Variants in BBS9 observed in about 807,000 individuals in gnomAD.
BBS9 encodes the protein Bardet-Biedl syndrome 9.
Under a neutral mutation model 117.7 loss-of-function variants are expected in BBS9, and 89 were observed. That is an observed-to-expected ratio of 0.76 (90% CI 0.64 to 0.90). The LOEUF (loss-of-function observed/expected upper bound fraction) is 0.90, where lower values mean the gene tolerates loss of function less well. BBS9 is among the 40% of genes least tolerant of loss of function. The pLI, the probability that BBS9 is intolerant of heterozygous loss-of-function variation, is 0.00. For missense variants in BBS9, 982 were observed against 1,042.2 expected (o/e 0.94, Z 0.80); for synonymous variants, 379 against 370.9 (o/e 1.02, Z -0.25).
At chr7:33,627,933 AC>A in intron 21 of BBS9, among the ~76,000 whole-genome samples, 1 of 152,150 alleles carries the variant, frequency 6.6e-6, no homozygotes, top group Non-Finnish European at 1.5e-5. Flanking sequence ...GATCCCAGCT[AC>A]TTGGCAAACT....
Position 33,388,066 on chromosome 7 carries a change from G to C in BBS9, c.2037G>C (p.Arg679=), listed in dbSNP as rs774728969. ...TACAATTTCGGGCCATTCAACGCCGGCTACTAGCAAGATTCAAAGATAAAA... is the reference window on the plus strand; with the variant it reads ...TACAATTTCGGGCCATTCAACGCCGCCTACTAGCAAGATTCAAAGATAAAA... The part of the protein sequence containing the change: ...RAVQFRAIQR[R]LLARFKDKTP... The change falls in exon 19 of 23, where the codon CGG becomes CGC. Residue 679 remains arginine (R), a synonymous_variant. Coordinates refer to ENST00000242067, the MANE Select transcript of BBS9 (RefSeq NM_198428.3). The C allele has an allele frequency of 6.2e-7, 1 of 1,614,098 alleles. No homozygotes were observed. The highest frequency in any genetic ancestry group is 1.7e-5 in the Admixed American group (1 of 60,018).
chr7:33,517,192 T>C (rs553106284), intron 20 of BBS9, among the ~76,000 whole-genome samples: 2 of 152,242 alleles, frequency 1.3e-5, no homozygotes, highest in African/African-American at 2.4e-5. Context: ...TATAAGAAAA[T>C]TAACTTTTAT....
At chr7:33,369,027 A>C (rs1822354346) in intron 17 of BBS9, among the ~76,000 whole-genome samples, 1 of 152,152 alleles carries the variant, frequency 6.6e-6, no homozygotes, top group Non-Finnish European at 1.5e-5. Context: ...TTTTTAAAAA[A>C]CAAATCATTT....
At chr7:33,193,492 A>G (rs1784483133) in intron 5 of BBS9, among the ~76,000 whole-genome samples, 2 of 147,862 alleles carry the variant, frequency 1.4e-5, no homozygotes, top group South Asian at 4.2e-4. Context: ...TGCTTGAGCA[A>G]TCAAGCTTAG....
intron 18 of BBS9, among the ~76,000 whole-genome samples, chr7:33,386,018 T>C (rs1825940986): frequency 6.6e-6 from 1 of 152,028 alleles, no homozygotes; most frequent in Non-Finnish European, 1.5e-5. Flanking sequence ...CATTAGGAGA[T>C]ATACCTAACG....
intron 21 of BBS9, among the ~76,000 whole-genome samples, chr7:33,603,383 G>A (rs1193516287): frequency 6.6e-6 from 1 of 152,084 alleles, no homozygotes. Flanking sequence ...TCAGTTGGAT[G>A]AGTGTAAAGA....
In BBS9 at chr7:33,480,575, G is replaced by A. The variant is rs148904164; in HGVS notation, c.2116-24888G>A. ...TGGGTGCCCCATAGGTTTCTGTCAT[G>A]TATCTTGACCTAATGTTAATCTTAT... On this transcript the variant is annotated intron_variant, in intron 19 of 22. Coordinates refer to ENST00000242067, the MANE Select transcript of BBS9 (RefSeq NM_198428.3). Among the ~76,000 whole-genome samples, 369 of 152,296 alleles carry A rather than the reference G, an allele frequency of 2.4e-3. 2 individuals are homozygous for A. Among genetic ancestry groups the A allele is most frequent in the Admixed American group, 6.2e-3 (95 of 15,300 alleles).
At chr7:33,168,279 G>C (rs1425709507) in intron 4 of BBS9, among the ~76,000 whole-genome samples, 1 of 152,032 alleles carries the variant, frequency 6.6e-6, no homozygotes, top group Non-Finnish European at 1.5e-5. Context: ...TAGGATCACA[G>C]GTCACCATAA....
At chr7:33,274,261 C>A (rs1800330513) in intron 9 of BBS9, among the ~76,000 whole-genome samples, 1 of 152,110 alleles carries the variant, frequency 6.6e-6, no homozygotes. Flanking sequence ...AAAAATATTT[C>A]TTTTAGCATT....
chr7:33,500,492 C>T (rs118076309), intron 19 of BBS9, among the ~76,000 whole-genome samples: 48 of 152,324 alleles, frequency 3.2e-4, no homozygotes, highest in Non-Finnish European at 4.0e-4. Context: ...TCTGTTTCCT[C>T]ATCGGGAAGT....
chr7:33,174,166 TAGGA>T (rs1173043714), intron 4 of BBS9, among the ~76,000 whole-genome samples: 1 of 152,168 alleles, frequency 6.6e-6, no homozygotes, highest in African/African-American at 2.4e-5. Context: ...TCAAAGAAAC[TAGGA>T]GAGCTCAAAA....
intron 21 of BBS9, among the ~76,000 whole-genome samples, chr7:33,585,053 T>G (rs1232705338): frequency 6.6e-6 from 1 of 152,164 alleles, no homozygotes; most frequent in African/African-American, 2.4e-5. Context: ...TTATTTTACT[T>G]CTTTTTAGTT....
At chr7:33,301,795 G>A (rs1241040433) in intron 9 of BBS9, among the ~76,000 whole-genome samples, 1 of 152,020 alleles carries the variant, frequency 6.6e-6, no homozygotes, top group Non-Finnish European at 1.5e-5. Context: ...ATATAAGAGG[G>A]AGTGGGATTG....
intron 4 of BBS9, among the ~76,000 whole-genome samples, chr7:33,162,516 G>A (rs981727630): frequency 1.4e-5 from 2 of 147,184 alleles, no homozygotes; most frequent in Non-Finnish European, 3.1e-5. Flanking sequence ...TTGAGCAGTG[G>A]TTTGTAGTTC....
intron 19 of BBS9, among the ~76,000 whole-genome samples, chr7:33,430,934 ATCT>A: frequency 6.6e-6 from 1 of 151,988 alleles, no homozygotes; most frequent in Non-Finnish European, 1.5e-5. Context: ...CACGCCTATA[ATCT>A]CAGCATTTTG....
At chr7:33,509,172 G>GTT (rs1846558605) in intron 20 of BBS9, among the ~76,000 whole-genome samples, 3 of 152,178 alleles carry the variant, frequency 2.0e-5, no homozygotes, top group Non-Finnish European at 1.5e-5. Context: ...AATACTGCTT[G>GTT]TTATGCTCTT....
At chr7:33,492,830 G>A (rs1044468767) in intron 19 of BBS9, among the ~76,000 whole-genome samples, 4 of 150,106 alleles carry the variant, frequency 2.7e-5, no homozygotes, top group African/African-American at 9.8e-5. Context: ...GTGTGTGTGT[G>A]TGTGTGTGTG....
At chr7:33,367,973 C>T in intron 17 of BBS9, 111 bp downstream of exon 17, 1 of 880,024 alleles carries the variant, frequency 1.1e-6, no homozygotes, top group Non-Finnish European at 1.9e-6. Context: ...ATTTAGATTT[C>T]AGTAACTAAA....
intron 19 of BBS9, among the ~76,000 whole-genome samples, chr7:33,409,300 T>C (rs563923140): frequency 1.3e-5 from 2 of 152,342 alleles, no homozygotes; most frequent in South Asian, 4.1e-4. Context: ...TCTTACATTT[T>C]AAGTCTTTGA....
Sources: gnomAD v4.1 joint callset for allele counts (sites outside exome capture counted in the v4.1 genomes callset) on GRCh38, gnomAD v4.1.1 for gene constraint, MANE v1.5 for transcripts, NCBI Gene and HGNC (gene_info 2026-07-23, HGNC 2026-07-21) for gene names.